The following DYNLT2 variants were observed in gnomAD, a reference collection of about 807,000 sequenced individuals.
The protein encoded by DYNLT2 is dynein light chain Tctex-type 2, also known as dynein light chain Tctex-type protein 2.
Under a neutral mutation model 24.3 loss-of-function variants are expected in DYNLT2, and 24 were observed. The ratio of observed to expected loss-of-function variants is 0.99; its 90% CI spans 0.71 to 1.39. The LOEUF (loss-of-function observed/expected upper bound fraction) is 1.39, where lower values mean the gene tolerates loss of function less well. DYNLT2 is among the 40% of genes most tolerant of loss of function. DYNLT2 has a pLI of 0.00. For synonymous variants in DYNLT2, 85 were observed against 85.4 expected (o/e 1.00, Z 0.03); for missense variants, 246 against 234.5 (o/e 1.05, Z -0.32).
Position 169,743,193 on chromosome 6 carries a change from A to G in DYNLT2, c.373T>C (p.Leu125=). ...ATGCGGTCTGCCAATTCAAGTGACA[A>G]GTGAGAGAATACTTTATCATCATAT... ...VKYDDKVFSH[L]SLELADRILL... Residue 125 remains leucine, a synonymous_variant, in exon 3 of 4, where the codon TTG becomes CTG. Transcript: ENST00000366774. The G allele has an allele frequency of 6.3e-7, 1 of 1,582,122 alleles. No homozygotes were observed. The highest frequency in any genetic ancestry group is 1.2e-5 in the South Asian group (1 of 86,100).
chr6:169,735,159 T>C (rs571493237), downstream of DYNLT2, among the ~76,000 whole-genome samples: 1 of 152,324 alleles, frequency 6.6e-6, no homozygotes, highest in East Asian at 1.9e-4. Context: ...TTTTATTGTG[T>C]CTATTTGATT....
intron 1 of DYNLT2, chr6:169,749,694 C>A (rs1789901698): frequency 6.6e-6 from 1 of 152,114 alleles, no homozygotes; most frequent in Non-Finnish European, 1.5e-5. Flanking sequence ...TGGGTCTCAT[C>A]CTTATTAAAA....
downstream of DYNLT2, among the ~76,000 whole-genome samples, chr6:169,737,832 C>G (rs1227066074): frequency 6.6e-6 from 1 of 152,086 alleles, no homozygotes; most frequent in Non-Finnish European, 1.5e-5. Context: ...GCAATTTGTC[C>G]CTTAGTAGAG....
chr6:169,735,425 G>A (rs1035528965), downstream of DYNLT2, among the ~76,000 whole-genome samples: 7 of 152,156 alleles, frequency 4.6e-5, no homozygotes, highest in African/African-American at 1.7e-4. Context: ...GGCATTTAGT[G>A]CTGTAAATTT....
At chr6:169,733,147 G>C in the DYNLT2 span, among the ~76,000 whole-genome samples, 5 of 149,886 alleles carry the variant, frequency 3.3e-5, no homozygotes, top group Non-Finnish European at 7.4e-5. Context: ...TTTTTTTCTT[G>C]TAAATATGTT....
At chr6:169,748,960 CTT>C (rs1789876977) in intron 1 of DYNLT2, among the ~76,000 whole-genome samples, 1 of 152,082 alleles carries the variant, frequency 6.6e-6, no homozygotes, top group East Asian at 1.9e-4. Flanking sequence ...ATATGATCAA[CTT>C]TTTGGCATCT....
chr6:169,726,157 T>C, the DYNLT2 span, among the ~76,000 whole-genome samples: 394 of 152,342 alleles, frequency 2.6e-3, 2 homozygotes, highest in Middle Eastern at 0.024. Flanking sequence ...AACAAATAAC[T>C]GATTCAGTCT....
At chr6:169,744,308 GC>G (rs1241610860) in intron 1 of DYNLT2, 34 bp from the exon 2 acceptor site, 1 of 1,567,370 alleles carries the variant, frequency 6.4e-7, no homozygotes, top group African/African-American at 1.4e-5. Context: ...AGAGAGAAAG[GC>G]AGAAAGATTA....
the DYNLT2 span, chr6:169,725,588 A>T: frequency 2.8e-6 from 1 of 352,298 alleles, no homozygotes. Flanking sequence ...AAGAAACTGC[A>T]TCTTTCAGCT....
chr6:169,750,015 T>C (rs1789923833), intron 1 of DYNLT2: 1 of 152,218 alleles, frequency 6.6e-6, no homozygotes, highest in Non-Finnish European at 1.5e-5. Context: ...TTCTCACCTC[T>C]AAAAGAATCA....
chr6:169,746,964 G>A (rs1285905225), intron 1 of DYNLT2, among the ~76,000 whole-genome samples: 1 of 149,968 alleles, frequency 6.7e-6, no homozygotes, highest in Non-Finnish European at 1.5e-5. Context: ...ACTTTTGGGG[G>A]CAGCAGTTTG....
the DYNLT2 span, among the ~76,000 whole-genome samples, chr6:169,732,390 C>CG: frequency 6.6e-6 from 1 of 152,018 alleles, no homozygotes; most frequent in African/African-American, 2.4e-5. Flanking sequence ...ATACATGTGC[C>CG]GTGGTGGTTT....
rs370399366 is a variant in DYNLT2, at chr6:169,744,101, A to C, written c.294T>G (p.His98Gln). 1.9e-6 allele frequency: 3 copies of C among 1,612,910 alleles called. No individual in the cohort carries two copies. Among genetic ancestry groups the C allele is most frequent in the East Asian group, 2.2e-5 (1 of 44,852 alleles). ...RMEPLKKFQAHSVETKVQQIL... is the reference protein window; with the variant it reads ...RMEPLKKFQAQSVETKVQQIL... ...TCTGCTGGACTTTAGTTTCTACTGA[A>C]TGAGCTTGGAATTTCTTCAATGGCT... The change falls in exon 2 of 4, where the codon CAT (histidine) becomes CAG (glutamine). Residue 98 changes from histidine to glutamine, a missense_variant. His to Gln is a conservative substitution (Grantham distance 24). Coordinates refer to ENST00000366774, the MANE Select transcript of DYNLT2 (RefSeq NM_174910.3).
chr6:169,743,250 T>C lies in DYNLT2; in HGVS notation c.328-12A>G. ...TCTTTAAGACTTTCCTTTAAGAAAA[T>C]TTAAGAAAAATACTTTTATTTTCAA... On this transcript the variant is annotated splice_polypyrimidine_tract_variant and intron_variant, in intron 2 of 3. Transcript: ENST00000366774. 1 of 1,434,022 alleles carries C rather than the reference T, an allele frequency of 7.0e-7. No individual in the cohort carries two copies. The highest frequency in any genetic ancestry group is 2.4e-5 in the East Asian group (1 of 41,782). 88.8% of individuals were successfully genotyped at this position (1,434,022 alleles called of 1,614,324 possible).
At chr6:169,733,710 C>CA in the DYNLT2 span, among the ~76,000 whole-genome samples, 1 of 152,154 alleles carries the variant, frequency 6.6e-6, no homozygotes, top group Non-Finnish European at 1.5e-5. Context: ...AGTTTGAAGT[C>CA]ATGTAGCATG....
chr6:169,733,282 T>C, the DYNLT2 span, among the ~76,000 whole-genome samples: 1 of 152,244 alleles, frequency 6.6e-6, no homozygotes, highest in Non-Finnish European at 1.5e-5. Context: ...AGAAGCTCTT[T>C]AGTTTAATTA....
chr6:169,727,497 A>C, the DYNLT2 span, among the ~76,000 whole-genome samples: 1 of 152,166 alleles, frequency 6.6e-6, no homozygotes, highest in Non-Finnish European at 1.5e-5. Flanking sequence ...ACCCAATTTA[A>C]CAGGAAAGAC....
chr6:169,740,475 CCTT>C (rs1390082495), intron 3 of DYNLT2, among the ~76,000 whole-genome samples, 180 bp from the exon 4 acceptor site: 1 of 152,210 alleles, frequency 6.6e-6, no homozygotes. Context: ...CCCAGCCCAT[CCTT>C]CTTCTTTACC....
intron 2 of DYNLT2, 150 bp from the exon 3 acceptor site, chr6:169,743,388 C>T: frequency 2.7e-6 from 1 of 364,740 alleles, no homozygotes; most frequent in Non-Finnish European, 4.6e-6. Flanking sequence ...AAATTTTATG[C>T]TTACCTATTT....
Sources: allele counts gnomAD v4.1 joint callset (sites outside exome capture counted in the v4.1 genomes callset), GRCh38; gene constraint gnomAD v4.1.1; transcripts MANE v1.5; gene names NCBI Gene and HGNC (gene_info 2026-07-23, HGNC 2026-07-21).